The following MYOCD variants were observed in gnomAD, a reference collection of about 807,000 sequenced individuals.
MYOCD encodes myocardin.
In MYOCD, 32 loss-of-function variants were observed where a neutral mutation model predicts 96.1. The observed-to-expected ratio is 0.33, with a 90% CI of 0.25 to 0.45. The LOEUF (loss-of-function observed/expected upper bound fraction) is 0.45. Among genes scored for constraint, MYOCD ranks in the 20% least tolerant of loss-of-function variants. The pLI, the probability that MYOCD is intolerant of heterozygous loss-of-function variation, is 1.00. For missense variants in MYOCD, 1,133 were observed against 1,200.6 expected (o/e 0.94, Z 0.83); for synonymous variants, 469 against 469.0 (o/e 1.00, Z 0.00).
At chr17:12,689,705 A>G (rs2030347338) in intron 1 of MYOCD, among the ~76,000 whole-genome samples, 1 of 152,104 alleles carries the variant, frequency 6.6e-6, no homozygotes, top group African/African-American at 2.4e-5. Flanking sequence ...ATGGCAGGCA[A>G]CTGTAATCCC....
At chr17:12,715,474 G>T in intron 2 of MYOCD, 45 bp from the exon 3 acceptor site, 1 of 1,569,494 alleles carries the variant, frequency 6.4e-7, no homozygotes, top group Non-Finnish European at 8.8e-7. Context: ...ACAGACCAAT[G>T]CCCTTAACCC....
chr17:12,761,236 C>T (rs923240336), intron 13 of MYOCD: 1 of 153,152 alleles, frequency 6.5e-6, no homozygotes, highest in Admixed American at 6.5e-5. Context: ...GGAGTGTGTA[C>T]CTAGAATTTT....
chr17:12,727,621 G>A (rs1171905539), intron 5 of MYOCD, among the ~76,000 whole-genome samples: 9 of 152,078 alleles, frequency 5.9e-5, no homozygotes. Flanking sequence ...CTGAGTTTCT[G>A]CCAAGCTCTG....
intron 11 of MYOCD, among the ~76,000 whole-genome samples, chr17:12,757,120 T>C (rs1465012913): frequency 6.6e-6 from 1 of 151,990 alleles, no homozygotes; most frequent in Non-Finnish European, 1.5e-5. Context: ...ATGGACAGGA[T>C]TGGAGAGATG....
chr17:12,722,966 A>G lies in MYOCD; in HGVS notation c.373A>G (p.Asn125Asp). The change falls in exon 5 of 14, where the codon AAC becomes GAC. Residue 125 changes from asparagine (N) to aspartate (D), a missense_variant. Physicochemically the swap from Asn to Asp is conservative, Grantham distance 23 (BLOSUM62 1). Transcript: ENST00000425538. ...RPGPLELVEK[N>D]ILPVDSAVKE... ...AGGGCCACTGGAGCTGGTGGAAAAAAACATTCTTCCTGTGGATTCTGCTGT... is the reference window on the plus strand; with the variant it reads ...AGGGCCACTGGAGCTGGTGGAAAAAGACATTCTTCCTGTGGATTCTGCTGT... 1 of 1,614,022 alleles carries G rather than the reference A, an allele frequency of 6.2e-7. No homozygotes were observed. Among genetic ancestry groups the G allele is most frequent in the Non-Finnish European group, 8.5e-7 (1 of 1,179,974 alleles).
Position 12,744,411 on chromosome 17 carries a change from C to G in MYOCD, c.946C>G (p.Leu316Val). 1 of 1,612,958 alleles carries G rather than the reference C, an allele frequency of 6.2e-7. No homozygotes were observed. Among genetic ancestry groups the G allele is most frequent in the Non-Finnish European group, 8.5e-7 (1 of 1,179,412 alleles). ...GCAGCAGCAACACCGATTCAGCTAC[C>G]TAGGGATGCACCAAGCTCAGCTTAA... ...QQQQQHRFSY[L>V]GMHQAQLKEP... Residue 316 changes from leucine (L) to valine (V), a missense_variant, in exon 8 of 14, where the codon CTA becomes GTA. Transcript: ENST00000425538.
chr17:12,740,370 G>A (rs1026023099), intron 7 of MYOCD, among the ~76,000 whole-genome samples: 2 of 152,076 alleles, frequency 1.3e-5, no homozygotes, highest in African/African-American at 2.4e-5. Flanking sequence ...TAATTCTTAC[G>A]CCTCTGCATC....
chr17:12,717,469 G>T, intron 4 of MYOCD, 48 bp downstream of exon 4: 1 of 1,466,818 alleles, frequency 6.8e-7, no homozygotes, highest in Non-Finnish European at 9.5e-7. Context: ...AGAATGGTGG[G>T]CCATTTTCCC....
chr17:12,711,941 TGAGACAGAG>T (rs2031493203), intron 2 of MYOCD, among the ~76,000 whole-genome samples: 1 of 144,054 alleles, frequency 6.9e-6, no homozygotes, highest in Non-Finnish European at 1.5e-5. Context: ...TTTTTTTTTT[TGAGACAGAG>T]TCTCACTCTG....
chr17:12,683,475 T>A (rs1306427970), intron 1 of MYOCD, among the ~76,000 whole-genome samples: 1 of 152,080 alleles, frequency 6.6e-6, no homozygotes, highest in African/African-American at 2.4e-5. Context: ...GCTCTCTCTC[T>A]CTCCCGCTCC....
At chr17:12,727,837 G>A (rs1275316157) in intron 5 of MYOCD, among the ~76,000 whole-genome samples, 1 of 152,056 alleles carries the variant, frequency 6.6e-6, no homozygotes, top group Non-Finnish European at 1.5e-5. Context: ...AAAGCACCGC[G>A]TCTCTTCCCC....
At chr17:12,756,931 T>C (rs139358227) in intron 11 of MYOCD, among the ~76,000 whole-genome samples, 1 of 152,232 alleles carries the variant, frequency 6.6e-6, no homozygotes, top group East Asian at 1.9e-4. Context: ...GATGTACAGA[T>C]ATGAGTTAGA....
chr17:12,693,625 G>A (rs201466940), intron 1 of MYOCD, among the ~76,000 whole-genome samples: 76 of 125,120 alleles, frequency 6.1e-4, no homozygotes, highest in Middle Eastern at 4.1e-3. Context: ...AAATAAAATA[G>A]AATAAAATAA....
chr17:12,671,117 A>G (rs1371251413), intron 1 of MYOCD, among the ~76,000 whole-genome samples: 1 of 152,206 alleles, frequency 6.6e-6, no homozygotes, highest in Non-Finnish European at 1.5e-5. Context: ...TAACGGCAGA[A>G]ATTATTACTT....
In MYOCD at chr17:12,685,352, C is replaced by T. The variant is rs149476998; in HGVS notation, c.55+19109C>T. ...GGGCACAGTGGCTCACGCCTGTAATCCCAGCAATTTGGGAGGCCAAGGCAG... is the reference window on the plus strand; with the variant it reads ...GGGCACAGTGGCTCACGCCTGTAATTCCAGCAATTTGGGAGGCCAAGGCAG... On this transcript the variant is annotated intron_variant, in intron 1 of 13. Transcript: ENST00000425538. 7.1e-3 allele frequency among the ~76,000 whole-genome samples: 1,074 copies of T among 152,102 alleles called. 16 individuals are homozygous for T. Among genetic ancestry groups the T allele is most frequent in the African/African-American group, 0.024 (1,012 of 41,492 alleles).
chr17:12,731,035 C>T lies in MYOCD; in HGVS notation c.416-5126C>T, dbSNP rs149315215. On this transcript the variant is annotated intron_variant, in intron 5 of 13. Coordinates refer to ENST00000425538, the MANE Select transcript of MYOCD (RefSeq NM_001146312.3). The stretch of plus-strand genomic sequence containing the variant: ...ATCCCCAAGGGGCCAGTGCCCAGAG[C>T]CAGTCCTGCGAGCATAGCCAGAGGA... 6.1e-4 allele frequency among the ~76,000 whole-genome samples: 93 copies of T among 152,324 alleles called. 1 individual carries two copies. The East Asian group carries it at 0.017, about 27-fold the overall frequency.
intron 1 of MYOCD, among the ~76,000 whole-genome samples, chr17:12,688,533 C>T (rs2030257946): frequency 1.1e-5 from 1 of 93,482 alleles, no homozygotes; most frequent in Admixed American, 1.2e-4. Context: ...CATCTTCTTC[C>T]TTCCTTCCTT....
intron 1 of MYOCD, among the ~76,000 whole-genome samples, chr17:12,677,480 A>G (rs1380825004): frequency 1.3e-5 from 2 of 152,158 alleles, no homozygotes; most frequent in African/African-American, 4.8e-5. Context: ...TGGGAGGCCA[A>G]GATGGGCGGA....
chr17:12,706,010 A>G (rs1179595952), intron 2 of MYOCD: 1 of 152,222 alleles, frequency 6.6e-6, no homozygotes, highest in Non-Finnish European at 1.5e-5. Flanking sequence ...CCCTATGTAT[A>G]GCCCTATATA....
Sources: allele counts gnomAD v4.1 joint callset (sites outside exome capture counted in the v4.1 genomes callset), GRCh38; gene constraint gnomAD v4.1.1; transcripts MANE v1.5; gene names NCBI Gene and HGNC (gene_info 2026-07-23, HGNC 2026-07-21).